The following CTNND1 variants were observed in gnomAD, a reference collection of about 807,000 sequenced individuals.
The protein encoded by CTNND1 is catenin delta 1, also known as catenin delta-1.
In CTNND1, 16 loss-of-function variants were observed where a neutral mutation model predicts 112.1. The observed-to-expected ratio is 0.14, with a 90% confidence interval of 0.10 to 0.22. CTNND1 has a LOEUF of 0.22. Among genes scored for constraint, CTNND1 ranks in the 10% least tolerant of loss-of-function variants. CTNND1 has a pLI of 1.00. For missense variants in CTNND1, 1,008 were observed against 1,257.0 expected (o/e 0.80, Z 3.00); for synonymous variants, 420 against 446.5 (o/e 0.94, Z 0.75).
intron 1 of CTNND1, chr11:57,764,112 TG>T (rs1274463039): frequency 6.6e-6 from 1 of 152,202 alleles, no homozygotes; most frequent in Non-Finnish European, 1.5e-5. Context: ...GTCTTGGTTT[TG>T]GGGTAAAAAA....
In CTNND1 at chr11:57,811,029, C is replaced by T. The variant is rs11570216; in HGVS notation, c.2551-370C>T. Reference sequence around the variant, plus strand: ...GATGTGTCTACAATTCATTTGTTGCCGACACAGCTCAGGTATCCCTCTATG... The same window carrying T: ...GATGTGTCTACAATTCATTTGTTGCTGACACAGCTCAGGTATCCCTCTATG... On this transcript the variant is annotated intron_variant, in intron 16 of 20. Coordinates refer to ENST00000399050, the MANE Select transcript of CTNND1 (RefSeq NM_001085458.2). Among the ~76,000 whole-genome samples, 1,087 of 152,052 alleles carry T rather than the reference C, an allele frequency of 7.1e-3. 9 individuals carry two copies. Among genetic ancestry groups the T allele is most frequent in the Non-Finnish European group, 0.012 (820 of 67,986 alleles).
At chr11:57,767,257 G>A (rs997687677) in intron 1 of CTNND1, among the ~76,000 whole-genome samples, 23 of 151,920 alleles carry the variant, frequency 1.5e-4, no homozygotes, top group Admixed American at 1.2e-3. Context: ...CACTGCGCCC[G>A]GCCAGAATTT....
At chr11:57,780,230 T>G (rs1213979274) in intron 1 of CTNND1, among the ~76,000 whole-genome samples, 1 of 152,038 alleles carries the variant, frequency 6.6e-6, no homozygotes, top group Non-Finnish European at 1.5e-5. Flanking sequence ...ATTTTTTGTA[T>G]TTTTTGTAGA....
At chr11:57,778,045 A>G (rs2059193515) in intron 1 of CTNND1, among the ~76,000 whole-genome samples, 1 of 152,108 alleles carries the variant, frequency 6.6e-6, no homozygotes, top group Non-Finnish European at 1.5e-5. Flanking sequence ...GACCCACTTC[A>G]GGGGGTTGTG....
chr11:57,769,748 T>C (rs968247273), intron 1 of CTNND1, among the ~76,000 whole-genome samples: 1 of 152,342 alleles, frequency 6.6e-6, no homozygotes, highest in East Asian at 1.9e-4. Flanking sequence ...ACCCATGTGC[T>C]AAAGGTACAA....
intron 14 of CTNND1, 67 bp from the exon 15 acceptor site, chr11:57,809,207 A>G (rs2063053791): frequency 8.0e-6 from 9 of 1,119,680 alleles, no homozygotes; most frequent in African/African-American, 1.5e-5. Flanking sequence ...AATGCAGTTA[A>G]GTATAATGTA....
At chr11:57,806,840 G>A in intron 11 of CTNND1, 75 bp from the exon 12 acceptor site, 1 of 1,307,878 alleles carries the variant, frequency 7.6e-7, no homozygotes, top group Non-Finnish European at 1.1e-6. Context: ...ACTGAAGGAT[G>A]AAAAATGTGC....
intron 9 of CTNND1, among the ~76,000 whole-genome samples, chr11:57,805,246 GT>G (rs2062516520): frequency 6.6e-6 from 1 of 151,200 alleles, no homozygotes; most frequent in East Asian, 2.0e-4. Flanking sequence ...CATGTTTTTT[GT>G]TTGTTTGTTT....
intron 2 of CTNND1, among the ~76,000 whole-genome samples, chr11:57,791,035 A>T (rs2060683361): frequency 6.6e-6 from 1 of 152,058 alleles, no homozygotes; most frequent in Non-Finnish European, 1.5e-5. Flanking sequence ...GTACCATTGG[A>T]GTTACACATT....
intron 4 of CTNND1, among the ~76,000 whole-genome samples, chr11:57,794,293 CTA>C (rs1398955254): frequency 6.6e-6 from 1 of 152,134 alleles, no homozygotes; most frequent in Non-Finnish European, 1.5e-5. Context: ...ATCTTTATGA[CTA>C]TTCCTCCTCC....
chr11:57,805,562 A>T (rs1232862761), intron 9 of CTNND1, among the ~76,000 whole-genome samples: 1 of 151,384 alleles, frequency 6.6e-6, no homozygotes, highest in Non-Finnish European at 1.5e-5. Context: ...TTTTTTTTTA[A>T]ATCTGTCACC....
Position 57,806,928 on chromosome 11 carries a change from A to G in CTNND1, c.1908A>G (p.Ile636Met). The G allele has an allele frequency of 6.3e-7, 1 of 1,598,958 alleles. No homozygotes were observed. Among genetic ancestry groups the G allele is most frequent in the Non-Finnish European group, 8.5e-7 (1 of 1,172,444 alleles). The change falls in exon 12 of 21, where the codon ATA (isoleucine) becomes ATG (methionine). Residue 636 changes from isoleucine to methionine, a missense_variant. Ile to Met is a conservative substitution (Grantham distance 10, BLOSUM62 1). Around this residue, in one of 5 missense-constraint regions of CTNND1, gnomAD observed 254 missense variants for 279.5 expected, o/e 0.91. Transcript: ENST00000399050. ...DEWFSRGKKP[I>M]EDPANDTVDF... ...TCATTTTTGTAGGGAAAAAACCTAT[A>G]GAGGATCCAGCAAACGATACAGTGG...
Position 57,796,504 on chromosome 11 carries a change from C to T in CTNND1, c.468C>T (p.Val156=), listed in dbSNP as rs947401581. 10 of 1,613,684 alleles carry T rather than the reference C, an allele frequency of 6.2e-6. No homozygotes were observed. Among genetic ancestry groups the T allele is most frequent in the East Asian group, 4.5e-5 (2 of 44,878 alleles). Residue 156 remains valine (V), a synonymous_variant, in exon 6 of 21, where the codon GTC becomes GTT. Coordinates refer to ENST00000399050, the MANE Select transcript of CTNND1 (RefSeq NM_001085458.2). The part of the protein sequence containing the change: ...KTVTTRTVQP[V]AMGPDGLPVD... ...TGACAACACGGACAGTACAGCCAGT[C>T]GCTATGGGACCAGACGGGTTGCCTG...
chr11:57,803,313 C>T (rs1051264263), intron 7 of CTNND1, among the ~76,000 whole-genome samples: 1 of 152,222 alleles, frequency 6.6e-6, no homozygotes, highest in Non-Finnish European at 1.5e-5. Flanking sequence ...TGGTCTTGAT[C>T]TCCCAACCTT....
intron 3 of CTNND1, 29 bp from the exon 4 acceptor site, chr11:57,793,981 G>C: frequency 6.2e-7 from 1 of 1,611,740 alleles, no homozygotes; most frequent in East Asian, 2.2e-5. Flanking sequence ...GCCACAAAAT[G>C]AATTGTCTTC....
At chr11:57,782,116 T>G (rs999311187) in intron 1 of CTNND1, among the ~76,000 whole-genome samples, 1 of 152,106 alleles carries the variant, frequency 6.6e-6, no homozygotes, top group Non-Finnish European at 1.5e-5. Context: ...AAAGGGAGTT[T>G]AAGGTACCCT....
chr11:57,766,051 G>A (rs935886554), intron 1 of CTNND1, among the ~76,000 whole-genome samples: 11 of 152,178 alleles, frequency 7.2e-5, no homozygotes, highest in South Asian at 2.1e-4. Flanking sequence ...GCAGCAAGCC[G>A]AGATCATGCC....
chr11:57,774,712 T>C (rs975575447), intron 1 of CTNND1, among the ~76,000 whole-genome samples: 9 of 151,738 alleles, frequency 5.9e-5, no homozygotes, highest in African/African-American at 2.2e-4. Context: ...TATTTATTTA[T>C]TTATTTATTT....
At chr11:57,786,961 G>A (rs1269783176) in intron 1 of CTNND1, among the ~76,000 whole-genome samples, 1 of 152,138 alleles carries the variant, frequency 6.6e-6, no homozygotes, top group Non-Finnish European at 1.5e-5. Context: ...TGACACCATG[G>A]CATAGAAAGA....
Sources: gnomAD v4.1 joint callset for allele counts (sites outside exome capture counted in the v4.1 genomes callset) on GRCh38, gnomAD v4.1.1 for gene constraint, gnomAD v4.1.1 regional missense constraint, MANE v1.5 for transcripts, NCBI Gene and HGNC (gene_info 2026-07-23, HGNC 2026-07-21) for gene names.